Variants in RANBP9 observed in about 807,000 individuals in gnomAD.
The protein encoded by RANBP9 is RAN binding protein 9, also known as ran-binding protein 9.
In RANBP9, 15 loss-of-function variants were observed where a neutral mutation model predicts 84.3. The observed-to-expected ratio is 0.18, with a 90% confidence interval of 0.12 to 0.27. The LOEUF is 0.27. Among genes scored for constraint, RANBP9 ranks in the 10% least tolerant of loss-of-function variants. The probability of loss-of-function intolerance (pLI) is 1.00; values close to 1 mark genes in which losing one functional copy is unlikely to be tolerated. For synonymous variants in RANBP9, 392 were observed against 349.6 expected (o/e 1.12, Z -1.35); for missense variants, 809 against 912.8 (o/e 0.89, Z 1.46).
chr6:13,628,043 G>A (rs1291469047), intron 12 of RANBP9, among the ~76,000 whole-genome samples: 2 of 152,120 alleles, frequency 1.3e-5, no homozygotes, highest in Non-Finnish European at 2.9e-5. Flanking sequence ...TGACAACAAC[G>A]TATTGTGCAC....
chr6:13,622,939 G>A (rs934889045), intron 13 of RANBP9, among the ~76,000 whole-genome samples: 8 of 152,158 alleles, frequency 5.3e-5, no homozygotes, highest in African/African-American at 1.9e-4. Flanking sequence ...GACCAAACAG[G>A]CTGCCTAGCC....
At chr6:13,653,625 C>T (rs780567957) in intron 4 of RANBP9, among the ~76,000 whole-genome samples, 6 of 152,004 alleles carry the variant, frequency 3.9e-5, no homozygotes, top group African/African-American at 2.4e-5. Context: ...AGGTCTCTTC[C>T]TACTTGACAT....
Position 13,699,634 on chromosome 6 carries a change from G to A in RANBP9, c.572-2738C>T, listed in dbSNP as rs188061451. Among the ~76,000 whole-genome samples the A allele has an allele frequency of 5.4e-4, 82 of 152,174 alleles. 1 individual carries two copies. The highest frequency in any genetic ancestry group is 5.9e-5 in the Non-Finnish European group (4 of 68,006). On this transcript the variant is annotated intron_variant, in intron 1 of 13. Coordinates refer to ENST00000011619, the MANE Select transcript of RANBP9 (RefSeq NM_005493.3). ...TTCCAGCACTTTGGGAGGCTGAGGC[G>A]GGCGATCACTTGAGGTCAGGAGTTC...
chr6:13,706,180 T>C (rs944988935), intron 1 of RANBP9, among the ~76,000 whole-genome samples: 1 of 151,102 alleles, frequency 6.6e-6, no homozygotes, highest in Non-Finnish European at 1.5e-5. Context: ...CTATCTCTAC[T>C]AAAAATACAA....
chr6:13,639,652 C>A lies in RANBP9; in HGVS notation c.1436G>T (p.Arg479Leu). 1 of 1,612,886 alleles carries A rather than the reference C, an allele frequency of 6.2e-7. No homozygotes were observed. Residue 479 changes from arginine (R) to leucine (L), a missense_variant, in exon 9 of 14, where the codon CGA becomes CTA. Coordinates refer to ENST00000011619, the MANE Select transcript of RANBP9 (RefSeq NM_005493.3). Reference sequence around the variant, plus strand: ...GCTCATACTTGGACTACTAAAAGGTCGAGGACTAACAGGATAACTGTCTTG... The same window carrying A: ...GCTCATACTTGGACTACTAAAAGGTAGAGGACTAACAGGATAACTGTCTTG... ...KSQDSYPVSP[R>L]PFSSPSMSPS...
chr6:13,627,296 T>C (rs948340903), intron 12 of RANBP9, among the ~76,000 whole-genome samples: 1 of 152,100 alleles, frequency 6.6e-6, no homozygotes, highest in Admixed American at 6.5e-5. Context: ...AAAGAATATA[T>C]GACCCTTTAT....
chr6:13,639,707 G>A lies in RANBP9; in HGVS notation c.1381C>T (p.Arg461Ter). ...TTTGGACTTCGGCCTCCCAAACATC[G>A]TACTTCACTATCTGTACCATTCACC... is the stretch of plus-strand genomic sequence containing the variant. ...EMVNGTDSEVRCLGGRSPKSQ... is the reference protein window; with the variant it reads ...EMVNGTDSEV The change falls in exon 9 of 14, where the codon CGA becomes TGA. Residue 461 changes from arginine to a stop codon, truncating the protein, a stop_gained. Coordinates refer to ENST00000011619, the MANE Select transcript of RANBP9 (RefSeq NM_005493.3). LOFTEE classifies it high-confidence loss of function. 6.2e-7 allele frequency: 1 copy of A among 1,614,006 alleles called. No individual in the cohort carries two copies. The highest frequency in any genetic ancestry group is 8.5e-7 in the Non-Finnish European group (1 of 1,179,982).
chr6:13,640,687 G>T (rs1033675000), intron 8 of RANBP9, among the ~76,000 whole-genome samples: 1 of 152,108 alleles, frequency 6.6e-6, no homozygotes, highest in Admixed American at 6.6e-5. Flanking sequence ...ACTTATATGG[G>T]TAGTCAAATT....
chr6:13,665,096 T>C (rs528678812), intron 2 of RANBP9, among the ~76,000 whole-genome samples: 1 of 152,176 alleles, frequency 6.6e-6, no homozygotes, highest in East Asian at 1.9e-4. Flanking sequence ...TCTCACACAA[T>C]ACACAAAAAT....
At chr6:13,662,348 C>A (rs1199674380) in intron 2 of RANBP9, among the ~76,000 whole-genome samples, 1 of 152,074 alleles carries the variant, frequency 6.6e-6, no homozygotes, top group Non-Finnish European at 1.5e-5. Flanking sequence ...AAAATTTAAA[C>A]CAGGTACTGT....
intron 2 of RANBP9, among the ~76,000 whole-genome samples, chr6:13,686,356 G>A (rs139440042): frequency 1.3e-5 from 2 of 151,946 alleles, no homozygotes; most frequent in Non-Finnish European, 2.9e-5. Context: ...CGCGATCTTG[G>A]CTCACTACAG....
At chr6:13,709,207 A>G (rs1748926632) in intron 1 of RANBP9, among the ~76,000 whole-genome samples, 1 of 152,228 alleles carries the variant, frequency 6.6e-6, no homozygotes, top group Admixed American at 6.5e-5. Context: ...GTACTAAATA[A>G]ACAGTAATCA....
chr6:13,625,885 A>G (rs1043196747), intron 12 of RANBP9, 121 bp from the exon 13 acceptor site: 13 of 639,142 alleles, frequency 2.0e-5, no homozygotes, highest in Non-Finnish European at 3.4e-5. Flanking sequence ...TAAACTTTAA[A>G]CCCATTTACT....
At chr6:13,705,876 A>AAAAAAAAAAAAAAAAAAAAAAAC (rs1758101191) in intron 1 of RANBP9, among the ~76,000 whole-genome samples, 1 of 151,374 alleles carries the variant, frequency 6.6e-6, no homozygotes, top group African/African-American at 2.4e-5. Flanking sequence ...CTCAAAAAAA[A>AAAAAAAAAAAAAAAAAAAAAAAC]AAAAAAAAAA....
chr6:13,701,548 G>A (rs541108578), intron 1 of RANBP9, among the ~76,000 whole-genome samples: 3 of 152,194 alleles, frequency 2.0e-5, no homozygotes, highest in East Asian at 1.9e-4. Flanking sequence ...CAAGGCAGGC[G>A]GATTGCCTGA....
At chr6:13,652,342 A>G (rs544525344) in intron 5 of RANBP9, among the ~76,000 whole-genome samples, 19 of 152,346 alleles carry the variant, frequency 1.2e-4, no homozygotes, top group South Asian at 4.1e-4. Context: ...ATAAACGATT[A>G]TAACTGCTAT....
chr6:13,671,576 G>A (rs1430646574), intron 2 of RANBP9, among the ~76,000 whole-genome samples: 1 of 152,104 alleles, frequency 6.6e-6, no homozygotes, highest in Non-Finnish European at 1.5e-5. Context: ...CCATTTATAT[G>A]AAATGTCCAG....
At chr6:13,698,674 G>C (rs867025244) in intron 1 of RANBP9, among the ~76,000 whole-genome samples, 3 of 152,148 alleles carry the variant, frequency 2.0e-5, no homozygotes, top group African/African-American at 7.2e-5. Flanking sequence ...CCGTGTGAAA[G>C]GCACTGCTCT....
In RANBP9 at chr6:13,632,475, C is replaced by T. The variant is rs1764817188; in HGVS notation, c.1842G>A (p.Gln614=). The T allele has an allele frequency of 6.2e-7, 1 of 1,613,770 alleles. No individual in the cohort carries two copies. The highest frequency in any genetic ancestry group is 1.3e-5 in the African/African-American group (1 of 74,874). ...QLRRQLCGGS[Q]AAIERMIHFG... ...AGTGGATCATTCTTTCTATGGCGGC[C>T]TGACTTCCTCCACACAACTGGCGTC... Residue 614 remains glutamine, a synonymous_variant, in exon 12 of 14, where the codon CAG becomes CAA. Transcript: ENST00000011619.
Sources: gnomAD v4.1 joint callset for allele counts (sites outside exome capture counted in the v4.1 genomes callset) on GRCh38, gnomAD v4.1.1 for gene constraint, MANE v1.5 for transcripts, NCBI Gene and HGNC (gene_info 2026-07-23, HGNC 2026-07-21) for gene names.